Variants in SULF2 observed in about 807,000 individuals in gnomAD.
SULF2 encodes the protein extracellular sulfatase Sulf-2.
SULF2 carries 52 observed loss-of-function variants against 107.7 expected under a neutral mutation model. The observed-to-expected ratio is 0.48, with a 90% CI of 0.39 to 0.61. The LOEUF (loss-of-function observed/expected upper bound fraction) is 0.61. Ranked by LOEUF, SULF2 falls within the 20% of genes least tolerant of loss-of-function variation. The probability of loss-of-function intolerance (pLI) is 0.00; values close to 1 mark genes in which losing one functional copy is unlikely to be tolerated. For synonymous variants in SULF2, 460 were observed against 464.3 expected (o/e 0.99, Z 0.12); for missense variants, 993 against 1,177.3 (o/e 0.84, Z 2.29).
At chr20:47,660,707 C>T (rs1189619282) in intron 18 of SULF2, among the ~76,000 whole-genome samples, 1 of 152,138 alleles carries the variant, frequency 6.6e-6, no homozygotes, top group Non-Finnish European at 1.5e-5. Flanking sequence ...CTCCTGGGCT[C>T]AAGTCTCCTC....
intron 17 of SULF2, among the ~76,000 whole-genome samples, chr20:47,662,462 CAGGCTTTTCT>C (rs2087108996): frequency 6.6e-6 from 1 of 152,218 alleles, no homozygotes; most frequent in Admixed American, 6.5e-5. Flanking sequence ...TAAATTATTT[CAGGCTTTTCT>C]TGAAAGGTCA....
intron 1 of SULF2, among the ~76,000 whole-genome samples, chr20:47,779,465 TC>T (rs2090783286): frequency 1.3e-5 from 2 of 152,166 alleles, no homozygotes; most frequent in Admixed American, 1.3e-4. Context: ...CAAGCCACTC[TC>T]GGGCCCTCTC....
chr20:47,714,563 C>T (rs965788974), intron 3 of SULF2, among the ~76,000 whole-genome samples: 2 of 152,204 alleles, frequency 1.3e-5, no homozygotes, highest in Non-Finnish European at 2.9e-5. Context: ...CCTGCCTCCA[C>T]CTTCAGCCCA....
At chr20:47,763,841 G>A (rs2090469381) in intron 1 of SULF2, among the ~76,000 whole-genome samples, 1 of 152,164 alleles carries the variant, frequency 6.6e-6, no homozygotes, top group Non-Finnish European at 1.5e-5. Flanking sequence ...GACAGATCCT[G>A]TTAAAACAAA....
intron 2 of SULF2, among the ~76,000 whole-genome samples, chr20:47,753,283 T>C (rs1319781825): frequency 6.6e-6 from 1 of 152,202 alleles, no homozygotes; most frequent in Non-Finnish European, 1.5e-5. Flanking sequence ...GTTTGGAGTC[T>C]GGCTGTGTCC....
chr20:47,675,269 A>G (rs2087603865), intron 10 of SULF2, among the ~76,000 whole-genome samples: 10 of 152,176 alleles, frequency 6.6e-5, no homozygotes, highest in Admixed American at 6.5e-4. Context: ...AACTCTCTCC[A>G]GAACATCAGC....
chr20:47,667,106 T>C (rs943867289), intron 11 of SULF2, among the ~76,000 whole-genome samples: 1 of 152,164 alleles, frequency 6.6e-6, no homozygotes, highest in Non-Finnish European at 1.5e-5. Context: ...TTGTATATAA[T>C]TGTAAAAATG....
Position 47,676,662 on chromosome 20 carries a change from C to T in SULF2, c.1251-39G>A, listed in dbSNP as rs1455721111. 3 of 1,546,366 alleles carry T rather than the reference C, an allele frequency of 1.9e-6. No homozygotes were observed. The Admixed American group carries it at 5.9e-5, about 30-fold the overall frequency. On this transcript the variant is annotated intron_variant, in intron 9 of 20. Coordinates refer to ENST00000688720, the MANE Select transcript of SULF2 (RefSeq NM_001387048.1). ...AGCAGGAGCCGCGGGGCCGGCCTCTCAGCTCTGGAGGAGCCCCGGAGGCAT... is the reference window on the plus strand; with the variant it reads ...AGCAGGAGCCGCGGGGCCGGCCTCTTAGCTCTGGAGGAGCCCCGGAGGCAT...
intron 3 of SULF2, among the ~76,000 whole-genome samples, chr20:47,717,164 T>C (rs1412640069): frequency 6.6e-6 from 1 of 152,220 alleles, no homozygotes; most frequent in South Asian, 2.1e-4. Flanking sequence ...GGTATTATCA[T>C]GAAAATAGTT....
At chr20:47,779,117 GGCTGCCTA>G (rs1436337467) in intron 1 of SULF2, among the ~76,000 whole-genome samples, 1 of 152,092 alleles carries the variant, frequency 6.6e-6, no homozygotes, top group East Asian at 1.9e-4. Flanking sequence ...CCACGCACCA[GGCTGCCTA>G]GTCACCTTTG....
chr20:47,669,975 G>T (rs1490438219), intron 11 of SULF2, among the ~76,000 whole-genome samples: 1 of 152,180 alleles, frequency 6.6e-6, no homozygotes, highest in Non-Finnish European at 1.5e-5. Flanking sequence ...TAATGTAGTA[G>T]TTCCTAATCA....
At chr20:47,746,031 G>C (rs982301223) in intron 2 of SULF2, among the ~76,000 whole-genome samples, 6 of 152,182 alleles carry the variant, frequency 3.9e-5, no homozygotes, top group African/African-American at 1.4e-4. Context: ...CAAAGACCTG[G>C]CTTTGATGGG....
At chr20:47,739,192 A>G (rs992689049) in intron 2 of SULF2, among the ~76,000 whole-genome samples, 1 of 152,142 alleles carries the variant, frequency 6.6e-6, no homozygotes, top group Non-Finnish European at 1.5e-5. Context: ...TAAGCCACCC[A>G]GTTTGTGATC....
intron 1 of SULF2, among the ~76,000 whole-genome samples, chr20:47,764,591 G>A (rs1027337937): frequency 1.1e-4 from 16 of 152,214 alleles, no homozygotes; most frequent in Admixed American, 5.9e-4. Context: ...GAGTCCTGGA[G>A]GCTGGAGGAG....
At chr20:47,712,346 C>G (rs550089359) in intron 3 of SULF2, among the ~76,000 whole-genome samples, 1 of 152,220 alleles carries the variant, frequency 6.6e-6, no homozygotes, top group Non-Finnish European at 1.5e-5. Flanking sequence ...CTTCCTTCTG[C>G]CTGGGACGCC....
chr20:47,739,474 A>G (rs1457993353), intron 2 of SULF2, among the ~76,000 whole-genome samples: 1 of 152,060 alleles, frequency 6.6e-6, no homozygotes, highest in Non-Finnish European at 1.5e-5. Context: ...CCGTACCCCC[A>G]GCCTGGGATG....
chr20:47,767,952 T>G (rs973783295), intron 1 of SULF2, among the ~76,000 whole-genome samples: 1 of 150,982 alleles, frequency 6.6e-6, no homozygotes, highest in African/African-American at 2.4e-5. Flanking sequence ...CTCCCCACCC[T>G]TGGTCCACAA....
At chr20:47,758,497 G>A (rs565787868) in intron 1 of SULF2, among the ~76,000 whole-genome samples, 56 of 152,026 alleles carry the variant, frequency 3.7e-4, no homozygotes, top group Non-Finnish European at 6.9e-4. Context: ...CAGAATAAAT[G>A]AAATGACAAT....
Position 47,666,514 on chromosome 20 carries a change from G to A in SULF2, c.1577-26C>T. ...CTGTGGGCATTAGAGGAGTGGCAGA[G>A]TTAGGGAGGCAGGAAAGGCTGGCCA... On this transcript the variant is annotated intron_variant, in intron 11 of 20. Transcript: ENST00000688720. This position sits in a 1 kb window ranked among gnomAD's most constrained non-coding sequence, Gnocchi z 5.4. The A allele has an allele frequency of 6.3e-7, 1 of 1,587,134 alleles. No individual in the cohort carries two copies. The highest frequency in any genetic ancestry group is 8.6e-7 in the Non-Finnish European group (1 of 1,161,602).
Sources: gnomAD v4.1 joint callset for allele counts (sites outside exome capture counted in the v4.1 genomes callset) on GRCh38, gnomAD v4.1.1 for gene constraint, Gnocchi (gnomAD v3.1) non-coding constraint, MANE v1.5 for transcripts, NCBI Gene and HGNC (gene_info 2026-07-23, HGNC 2026-07-21) for gene names.